TMCC2: variants seen among roughly 807,000 people sequenced by gnomAD.
TMCC2 encodes transmembrane and coiled-coil domain family 2.
Under a neutral mutation model 49.4 loss-of-function variants are expected in TMCC2, and 16 were observed. The observed-to-expected ratio is 0.32, with a 90% confidence interval of 0.22 to 0.49. The LOEUF is 0.49. Ranked by LOEUF, TMCC2 falls within the 20% of genes least tolerant of loss-of-function variation. TMCC2 has a pLI of 0.99. For missense variants in TMCC2, 762 were observed against 989.8 expected (o/e 0.77, Z 3.09); for synonymous variants, 397 against 434.1 (o/e 0.91, Z 1.06).
chr1:205,261,681 A>G lies in TMCC2; in HGVS notation c.748-7269A>G, dbSNP rs575378044. Among the ~76,000 whole-genome samples the G allele has an allele frequency of 2.0e-3, 299 of 151,940 alleles. 1 individual carries two copies. Among genetic ancestry groups the G allele is most frequent in the Middle Eastern group, 0.01 (3 of 292 alleles). Reference sequence around the variant, plus strand: ...GCCATGGAGTGAGAACCCGTCTCAAAAAAAAAAAAATTATTATAGTCATTC... The same window carrying G: ...GCCATGGAGTGAGAACCCGTCTCAAGAAAAAAAAAATTATTATAGTCATTC... On this transcript the variant is annotated intron_variant, in intron 2 of 4. Transcript: ENST00000358024.
Position 205,269,343 on chromosome 1 carries a change from C to G in TMCC2, c.1141C>G (p.Gln381Glu). 1 of 1,613,028 alleles carries G rather than the reference C, an allele frequency of 6.2e-7. No individual in the cohort carries two copies. The highest frequency in any genetic ancestry group is 8.5e-7 in the Non-Finnish European group (1 of 1,179,750). Reference protein sequence around the residue: ...RQPKDVLRDMQQGLKDVGANV... With the variant: ...RQPKDVLRDMEQGLKDVGANV... ...GCCCAAGGACGTGCTGCGGGACATG[C>G]AGCAGGGGCTGAAGGACGTGGGCGC... The change falls in exon 3 of 5, where the codon CAG (glutamine) becomes GAG (glutamate). Residue 381 changes from glutamine to glutamate, a missense_variant. Gln to Glu is a conservative substitution (Grantham distance 29). This residue lies in a region of TMCC2 where 440 missense variants were observed against 636.7 expected (regional missense o/e 0.69). Coordinates refer to ENST00000358024, the MANE Select transcript of TMCC2 (RefSeq NM_014858.4).
chr1:205,241,307 A>G lies in TMCC2; in HGVS notation c.208-198A>G, dbSNP rs928946520. 2.0e-5 allele frequency among the ~76,000 whole-genome samples: 3 copies of G among 152,146 alleles called. No individual in the cohort carries two copies. Among genetic ancestry groups the G allele is most frequent in the African/African-American group, 7.2e-5 (3 of 41,428 alleles). Reference sequence around the variant, plus strand: ...TGGGGGCACACTTCTTTCGGAATGAAAGGATGGGTCTGGGTTGCCACCTTT... The same window carrying G: ...TGGGGGCACACTTCTTTCGGAATGAGAGGATGGGTCTGGGTTGCCACCTTT... On this transcript the variant is annotated intron_variant, in intron 1 of 4. Transcript: ENST00000358024. The surrounding 1 kb of genome is among the most constrained non-coding windows in gnomAD (Gnocchi z 7.3).
chr1:205,265,788 T>G (rs1459322818), intron 2 of TMCC2, among the ~76,000 whole-genome samples: 4 of 150,850 alleles, frequency 2.7e-5, no homozygotes, highest in Non-Finnish European at 5.9e-5. Context: ...CTCGAACCCC[T>G]GACCTCATGA....
intron 1 of TMCC2, among the ~76,000 whole-genome samples, chr1:205,235,011 A>G (rs77381974): frequency 0.016 from 2,374 of 152,238 alleles, 115 homozygotes; most frequent in Admixed American, 0.091. Flanking sequence ...ACAAGAGAAG[A>G]GGGGCTTTCT....
At chr1:205,267,377 A>G (rs1465592672) in intron 2 of TMCC2, among the ~76,000 whole-genome samples, 1 of 152,146 alleles carries the variant, frequency 6.6e-6, no homozygotes, top group Admixed American at 6.5e-5. Context: ...GGTGCATGTG[A>G]CTGGGCCACT....
chr1:205,244,600 A>G (rs944268991), intron 2 of TMCC2, among the ~76,000 whole-genome samples: 1 of 152,012 alleles, frequency 6.6e-6, no homozygotes, highest in African/African-American at 2.4e-5. Context: ...TGCTGGCAGC[A>G]CCCTAGTGGT....
In TMCC2 at chr1:205,272,006, T is replaced by G; in HGVS notation, c.2012T>G (p.Leu671Arg). ...ACCATCGCCAACTTCATCACGCCCC[T>G]CATGAAGACACGCCTGCGCATCACC... ...VSTIANFITP[L>R]MKTRLRITST... Residue 671 changes from leucine (L) to arginine (R), a missense_variant, in exon 5 of 5, where the codon CTC (leucine) becomes CGC (arginine). This residue lies in a region of TMCC2 where 440 missense variants were observed against 636.7 expected (regional missense o/e 0.69). Transcript: ENST00000358024. 6.2e-7 allele frequency: 1 copy of G among 1,614,156 alleles called. No homozygotes were observed. The highest frequency in any genetic ancestry group is 8.5e-7 in the Non-Finnish European group (1 of 1,180,018).
intron 1 of TMCC2, among the ~76,000 whole-genome samples, chr1:205,238,630 C>T (rs1660149047): frequency 6.6e-6 from 1 of 152,118 alleles, no homozygotes; most frequent in Non-Finnish European, 1.5e-5. Context: ...TTCAGGGGAC[C>T]TAACAACCCT....
chr1:205,268,275 A>C (rs978695260), intron 2 of TMCC2, among the ~76,000 whole-genome samples: 3 of 152,190 alleles, frequency 2.0e-5, no homozygotes, highest in African/African-American at 7.2e-5. Flanking sequence ...CCATGACTCC[A>C]GTGAGGCCTC....
chr1:205,231,497 A>C (rs182295237), intron 1 of TMCC2, among the ~76,000 whole-genome samples: 87 of 152,124 alleles, frequency 5.7e-4, no homozygotes, highest in African/African-American at 2.0e-3. Context: ...GGGTCTTGCT[A>C]TATTGCCTAG....
At chr1:205,235,305 T>C (rs960055798) in intron 1 of TMCC2, among the ~76,000 whole-genome samples, 2 of 152,142 alleles carry the variant, frequency 1.3e-5, no homozygotes, top group African/African-American at 2.4e-5. Flanking sequence ...CTGCCACATA[T>C]TGAGTTCTAG....
intron 2 of TMCC2, among the ~76,000 whole-genome samples, chr1:205,253,848 C>A (rs1660760775): frequency 6.6e-6 from 1 of 152,170 alleles, no homozygotes; most frequent in South Asian, 2.1e-4. Flanking sequence ...GCACATACAT[C>A]CATGGTGAGG....
intron 1 of TMCC2, chr1:205,229,945 GAGATGTCAGCCCAAGGAAGGAACTT>G: frequency 1.0e-6 from 1 of 985,484 alleles, no homozygotes; most frequent in Non-Finnish European, 1.2e-6. Flanking sequence ...CCAGCTGAGC[GAGATGTCAGCCCAAGGAAGGAACTT>G]AGATGCCTTG....
At chr1:205,259,220 C>T (rs942981478) in intron 2 of TMCC2, among the ~76,000 whole-genome samples, 3 of 151,600 alleles carry the variant, frequency 2.0e-5, no homozygotes, top group African/African-American at 7.3e-5. Context: ...CTAAGAGTGA[C>T]CTTATATTGT....
At chr1:205,257,327 C>G in intron 2 of TMCC2, 1 of 1,232,192 alleles carries the variant, frequency 8.1e-7, no homozygotes. Flanking sequence ...CCCCGGGTAC[C>G]TCATCGCCGG....
chr1:205,272,171 C>T lies in TMCC2; in HGVS notation c.*47C>T. On this transcript the variant is annotated 3_prime_UTR_variant, in exon 5 of 5. Coordinates refer to ENST00000358024, the MANE Select transcript of TMCC2 (RefSeq NM_014858.4). ...GTGCTCTCTGGCCCCCAGCTGGCCA[C>T]ACTTCTCCAGGAGGGACCCTTGGAC... is the stretch of plus-strand genomic sequence containing the variant. 1.3e-6 allele frequency: 2 copies of T among 1,590,296 alleles called. No homozygotes were observed. The highest frequency in any genetic ancestry group is 1.7e-6 in the Non-Finnish European group (2 of 1,164,360).
Position 205,269,710 on chromosome 1 carries a change from G to A in TMCC2, c.1508G>A (p.Ser503Asn), listed in dbSNP as rs377082790. 6.2e-7 allele frequency: 1 copy of A among 1,614,180 alleles called. No individual in the cohort carries two copies. The highest frequency in any genetic ancestry group is 8.5e-7 in the Non-Finnish European group (1 of 1,180,024). The change falls in exon 3 of 5, where the codon AGC becomes AAC. Residue 503 changes from serine to asparagine, a missense_variant. By Grantham distance (46) the Ser-to-Asn change is conservative (BLOSUM62 1). Coordinates refer to ENST00000358024, the MANE Select transcript of TMCC2 (RefSeq NM_014858.4). ...GCTGGGCCTGGTGGGGCGCTGGGGA[G>A]CCCTAAGTCCAATGCACTGTATGGT... Reference protein sequence around the residue: ...SGAGPGGALGSPKSNALYGAP... With the variant: ...SGAGPGGALGNPKSNALYGAP...
chr1:205,238,178 G>A (rs1368914336), intron 1 of TMCC2, among the ~76,000 whole-genome samples: 1 of 152,148 alleles, frequency 6.6e-6, no homozygotes, highest in Admixed American at 6.5e-5. Context: ...GTTCCCTTAA[G>A]CTAGTCACCA....
intron 2 of TMCC2, among the ~76,000 whole-genome samples, chr1:205,243,271 C>T (rs1354733530): frequency 6.6e-6 from 1 of 152,204 alleles, no homozygotes. Flanking sequence ...GTAATCCCAG[C>T]TCCTCAGGAG....
Sources: gnomAD v4.1 joint callset for allele counts (sites outside exome capture counted in the v4.1 genomes callset) on GRCh38, gnomAD v4.1.1 for gene constraint, gnomAD v4.1.1 regional missense constraint, Gnocchi (gnomAD v3.1) non-coding constraint, MANE v1.5 for transcripts, NCBI Gene and HGNC (gene_info 2026-07-23, HGNC 2026-07-21) for gene names.